Variants in CADM1 observed in about 807,000 individuals in gnomAD.
CADM1 encodes cell adhesion molecule 1.
Under a neutral mutation model 53.1 loss-of-function variants are expected in CADM1, and 15 were observed. The ratio of observed to expected loss-of-function variants is 0.28; its 90% CI spans 0.19 to 0.44. The LOEUF (loss-of-function observed/expected upper bound fraction) is 0.44, where lower values mean the gene tolerates loss of function less well. CADM1 is among the 20% of genes least tolerant of loss of function. CADM1 has a pLI of 1.00. For missense variants in CADM1, 434 were observed against 611.3 expected (o/e 0.71, Z 3.06); for synonymous variants, 281 against 243.0 (o/e 1.16, Z -1.45).
chr11:115,341,694 A>G (rs566414952), intron 1 of CADM1, among the ~76,000 whole-genome samples: 7 of 152,310 alleles, frequency 4.6e-5, no homozygotes, highest in Non-Finnish European at 8.8e-5. Flanking sequence ...AGCTCACAGC[A>G]TTGGTTCGTG....
In CADM1 at chr11:115,295,538, A is replaced by AT. The variant is rs1256912382; in HGVS notation, c.125-55119dup. On this transcript the variant is annotated intron_variant, in intron 1 of 11. Transcript: ENST00000331581. ...TATATATATATATATATATATATATATATATATATATAATATATATGTATA... is the reference window on the plus strand; with the variant it reads ...TATATATATATATATATATATATATATTATATATATATAATATATATGTATA... Among the ~76,000 whole-genome samples, 21 of 74,516 alleles carry AT rather than the reference A, an allele frequency of 2.8e-4. 1 individual carries two copies. The highest frequency in any genetic ancestry group is 1.9e-3 in the African/African-American group (16 of 8,422). 48.9% of individuals were successfully genotyped at this position (74,516 alleles called of 152,430 possible).
At chr11:115,210,753 A>T (rs1255169570) in intron 7 of CADM1, among the ~76,000 whole-genome samples, 1 of 152,208 alleles carries the variant, frequency 6.6e-6, no homozygotes, top group Non-Finnish European at 1.5e-5. Flanking sequence ...TTAATTATAT[A>T]CTGCACCTTT....
chr11:115,328,682 A>ATATATATGTATATACG lies in CADM1; in HGVS notation c.125-88263_125-88262insCGTATATACATATATA, dbSNP rs1444719724. Among the ~76,000 whole-genome samples, 96 of 49,482 alleles carry ATATATATGTATATACG rather than the reference A, an allele frequency of 1.9e-3. 6 individuals carry two copies. The highest frequency in any genetic ancestry group is 0.01 in the African/African-American group (92 of 8,946). The allele number at this position is 49,482 out of a possible 152,430, so 32.5% of individuals were successfully genotyped here. On this transcript the variant is annotated intron_variant, in intron 1 of 11. Transcript: ENST00000331581. ...ACACGCACACTATATATATATGTGT[A>ATATATATGTATATACG]TATATATGTGTATATATATGTATAT... is the stretch of plus-strand genomic sequence containing the variant.
chr11:115,205,353 A>G (rs1479543530), intron 8 of CADM1, among the ~76,000 whole-genome samples: 1 of 152,188 alleles, frequency 6.6e-6, no homozygotes, highest in African/African-American at 2.4e-5. Context: ...AGGGGCTAAT[A>G]CTATCACAGA....
chr11:115,375,377 G>A (rs1057106942), intron 1 of CADM1, among the ~76,000 whole-genome samples: 2 of 152,136 alleles, frequency 1.3e-5, no homozygotes, highest in Admixed American at 6.6e-5. Context: ...GAGGCCATGA[G>A]GAAGCCTTCT....
Position 115,187,733 on chromosome 11 carries a change from G to A in CADM1, c.1165+3155C>T, listed in dbSNP as rs576995352. Among the ~76,000 whole-genome samples the A allele has an allele frequency of 6.5e-4, 99 of 152,234 alleles. 1 individual carries two copies. Among genetic ancestry groups the A allele is most frequent in the African/African-American group, 2.1e-3 (88 of 41,544 alleles). ...TGGGATTACAGGTGTGAGCCATCGCGCCCAGCTAAATATAGGCTATATTTT... is the reference window on the plus strand; with the variant it reads ...TGGGATTACAGGTGTGAGCCATCGCACCCAGCTAAATATAGGCTATATTTT... On this transcript the variant is annotated intron_variant, in intron 10 of 11. Transcript: ENST00000331581.
intron 1 of CADM1, among the ~76,000 whole-genome samples, chr11:115,310,503 G>T (rs921871436): frequency 6.6e-6 from 1 of 152,056 alleles, no homozygotes; most frequent in African/African-American, 2.4e-5. Context: ...GTATGGGGGG[G>T]TGGAGAAAAG....
intron 1 of CADM1, among the ~76,000 whole-genome samples, chr11:115,370,802 T>C (rs1253283138): frequency 6.6e-6 from 1 of 152,192 alleles, no homozygotes; most frequent in African/African-American, 2.4e-5. Context: ...TATTGACCTC[T>C]GAAGGAAGTC....
chr11:115,305,786 T>C (rs936378373), intron 1 of CADM1, among the ~76,000 whole-genome samples: 3 of 151,082 alleles, frequency 2.0e-5, no homozygotes, highest in Non-Finnish European at 4.4e-5. Context: ...TGACTCATGT[T>C]AGAGCTAGAA....
chr11:115,338,784 G>A (rs1345033678), intron 1 of CADM1, among the ~76,000 whole-genome samples: 1 of 151,880 alleles, frequency 6.6e-6, no homozygotes, highest in East Asian at 1.9e-4. Context: ...AAAGTGATAA[G>A]AAGAGGGGAG....
chr11:115,504,379 G>A lies in CADM1; in HGVS notation c.16C>T (p.Leu6=). 2 of 1,547,274 alleles carry A rather than the reference G, an allele frequency of 1.3e-6. No individual in the cohort carries two copies. The highest frequency in any genetic ancestry group is 2.4e-5 in the East Asian group (1 of 40,848). MASVV[L]PSGSQCAAAA... is the part of the protein sequence containing the mutation. ...GCCGCACACTGGGATCCGCTCGGCA[G>A]CACTACACTCGCCATGTCGGGCACC... Residue 6 remains leucine, a synonymous_variant, in exon 1 of 12, where the codon CTG becomes TTG. Coordinates refer to ENST00000331581, the MANE Select transcript of CADM1 (RefSeq NM_001301043.2).
chr11:115,345,353 G>T (rs1945549269), intron 1 of CADM1, among the ~76,000 whole-genome samples: 1 of 152,254 alleles, frequency 6.6e-6, no homozygotes, highest in African/African-American at 2.4e-5. Context: ...AATTTAACAT[G>T]ATTTTCCTCT....
At chr11:115,475,939 G>A (rs1253523038) in intron 1 of CADM1, among the ~76,000 whole-genome samples, 2 of 152,170 alleles carry the variant, frequency 1.3e-5, no homozygotes, top group African/African-American at 4.8e-5. Flanking sequence ...TTCAGTTTAT[G>A]TAAATTTAAA....
At chr11:115,254,053 A>T (rs1005217969) in intron 1 of CADM1, among the ~76,000 whole-genome samples, 1 of 152,176 alleles carries the variant, frequency 6.6e-6, no homozygotes, top group African/African-American at 2.4e-5. Flanking sequence ...GATAATCCAC[A>T]TATTTGTACA....
At chr11:115,223,865 G>C (rs1375921942) in intron 5 of CADM1, among the ~76,000 whole-genome samples, 5 of 149,450 alleles carry the variant, frequency 3.3e-5, no homozygotes, top group Non-Finnish European at 5.9e-5. Context: ...TTCTCATAAG[G>C]AATCATAAAT....
chr11:115,435,377 A>G (rs994387729), intron 1 of CADM1, among the ~76,000 whole-genome samples: 1 of 152,196 alleles, frequency 6.6e-6, no homozygotes, highest in African/African-American at 2.4e-5. Flanking sequence ...CAAAATCAAA[A>G]GAATAATATT....
intron 1 of CADM1, among the ~76,000 whole-genome samples, chr11:115,364,373 T>C (rs968602310): frequency 6.6e-6 from 1 of 152,196 alleles, no homozygotes; most frequent in Non-Finnish European, 1.5e-5. Flanking sequence ...CTATCCATTT[T>C]CCACTCTTTT....
At position 115,501,416 on chromosome 11, in the gene CADM1, C is replaced by T. The variant is rs1949723767; in HGVS notation, c.124+2855G>A. Among the ~76,000 whole-genome samples the T allele has an allele frequency of 1.3e-5, 2 of 152,112 alleles. 1 individual carries two copies. The highest frequency in any genetic ancestry group is 4.1e-4 in the South Asian group (2 of 4,822). On this transcript the variant is annotated intron_variant, in intron 1 of 11. Coordinates refer to ENST00000331581, the MANE Select transcript of CADM1 (RefSeq NM_001301043.2). ...CCCATCACCACCATAAATCCCCCAT[C>T]CACCAGCCATCTTCTCTAATCCTGA...
chr11:115,378,737 A>G (rs988239552), intron 1 of CADM1, among the ~76,000 whole-genome samples: 1 of 152,202 alleles, frequency 6.6e-6, no homozygotes, highest in Non-Finnish European at 1.5e-5. Flanking sequence ...ATAAAGTTTT[A>G]TTGGAACATA....
Sources: allele counts gnomAD v4.1 joint callset (sites outside exome capture counted in the v4.1 genomes callset), GRCh38; gene constraint gnomAD v4.1.1; transcripts MANE v1.5; gene names NCBI Gene and HGNC (gene_info 2026-07-23, HGNC 2026-07-21).